The following CYRIB variants were observed in gnomAD, a reference collection of about 807,000 sequenced individuals.
CYRIB encodes CYFIP related Rac1 interactor B.
In CYRIB, 8 loss-of-function variants were observed where a neutral mutation model predicts 44.2. The ratio of observed to expected loss-of-function variants is 0.18; its 90% CI spans 0.11 to 0.33. The LOEUF (loss-of-function observed/expected upper bound fraction) is 0.33, where lower values mean the gene tolerates loss of function less well. Among genes scored for constraint, CYRIB ranks in the 10% least tolerant of loss-of-function variants. The pLI is 1.00. For synonymous variants in CYRIB, 131 were observed against 127.2 expected, an observed-to-expected ratio of 1.03 and a Z score of -0.20; for missense variants, 185 against 382.8, an observed-to-expected ratio of 0.48 and a Z score of 4.31.
At chr8:129,997,096 GGGAAGGAAGGAA>G (rs1176823467) in intron 1 of CYRIB, among the ~76,000 whole-genome samples, 4 of 93,086 alleles carry the variant, frequency 4.3e-5, no homozygotes, top group African/African-American at 8.2e-5. Flanking sequence ...GAAGGAGGGA[GGGAAGGAAGGAA>G]GGAAGGAAGG....
chr8:130,008,134 G>A (rs1479696944), intron 1 of CYRIB, among the ~76,000 whole-genome samples: 4 of 152,156 alleles, frequency 2.6e-5, no homozygotes, highest in Non-Finnish European at 5.9e-5. Context: ...GCTTGAACCC[G>A]GGAGGTGGAG....
chr8:129,937,952 C>T (rs983508574), intron 1 of CYRIB, among the ~76,000 whole-genome samples: 2 of 151,880 alleles, frequency 1.3e-5, no homozygotes, highest in African/African-American at 4.8e-5. Flanking sequence ...AAAACCTAAG[C>T]GGGGACAAAC....
intron 3 of CYRIB, among the ~76,000 whole-genome samples, chr8:129,874,605 T>C (rs75761609): frequency 5.9e-5 from 9 of 152,230 alleles, no homozygotes; most frequent in African/African-American, 1.9e-4. Flanking sequence ...GTAAACTCAG[T>C]ACCTAGATTT....
intron 2 of CYRIB, among the ~76,000 whole-genome samples, chr8:129,895,199 C>T (rs1359234435): frequency 1.3e-5 from 2 of 151,118 alleles, no homozygotes; most frequent in South Asian, 2.1e-4. Flanking sequence ...GACAGGATCT[C>T]ATCGTGTTGC....
At chr8:129,948,321 A>G (rs1030166787) in intron 2 of CYRIB, among the ~76,000 whole-genome samples, 9 of 152,098 alleles carry the variant, frequency 5.9e-5, no homozygotes, top group African/African-American at 2.2e-4. Flanking sequence ...GGTTTTTCCC[A>G]AGGGATAGGC....
At chr8:130,013,759 G>C (rs1284434585) in intron 1 of CYRIB, among the ~76,000 whole-genome samples, 2 of 152,186 alleles carry the variant, frequency 1.3e-5, no homozygotes, top group Non-Finnish European at 2.9e-5. Context: ...TCAGGGACCA[G>C]GATTCCACAT....
At chr8:129,847,192 G>A in intron 10 of CYRIB, 1 of 218,464 alleles carries the variant, frequency 4.6e-6, no homozygotes, top group East Asian at 1.5e-4. Flanking sequence ...GGCTGGGCAG[G>A]GTGGCTCAGG....
chr8:129,983,916 T>C (rs1275045507), intron 1 of CYRIB, among the ~76,000 whole-genome samples: 1 of 152,206 alleles, frequency 6.6e-6, no homozygotes, highest in Non-Finnish European at 1.5e-5. Flanking sequence ...TACATCCCAT[T>C]GGCAGGAACC....
intron 2 of CYRIB, among the ~76,000 whole-genome samples, chr8:129,897,501 A>G (rs1211420034): frequency 1.3e-5 from 2 of 151,558 alleles, no homozygotes; most frequent in African/African-American, 2.4e-5. Context: ...AGTATCTTAA[A>G]ACAACAGTCA....
Position 129,926,358 on chromosome 8 carries a change from T to C in CYRIB, c.-50+13250A>G, listed in dbSNP as rs937670432. Reference sequence around the variant, plus strand: ...ACCCAATTTAAACACATTACCTTTTTCAAGCATCAAATTTCCACTGAACTA... The same window carrying C: ...ACCCAATTTAAACACATTACCTTTTCCAAGCATCAAATTTCCACTGAACTA... On this transcript the variant is annotated intron_variant, in intron 1 of 11. Transcript: ENST00000519824. Among the ~76,000 whole-genome samples the C allele has an allele frequency of 7.9e-5, 12 of 152,352 alleles. No homozygotes were observed. The East Asian group carries it at 2.1e-3, about 27-fold the overall frequency.
At chr8:129,936,685 G>A (rs979967788) in intron 1 of CYRIB, among the ~76,000 whole-genome samples, 4 of 148,274 alleles carry the variant, frequency 2.7e-5, no homozygotes, top group Admixed American at 6.7e-5. Context: ...AAGCAAATTA[G>A]ATAACCCAAT....
At chr8:130,013,663 G>T (rs1376843999) in intron 1 of CYRIB, among the ~76,000 whole-genome samples, 2 of 152,160 alleles carry the variant, frequency 1.3e-5, no homozygotes, top group African/African-American at 4.8e-5. Context: ...GCACGGGTGA[G>T]GCCACAACCT....
intron 1 of CYRIB, among the ~76,000 whole-genome samples, chr8:129,978,144 C>T (rs908937233): frequency 6.6e-6 from 1 of 152,036 alleles, no homozygotes; most frequent in Non-Finnish European, 1.5e-5. Flanking sequence ...ATCTTGCACT[C>T]CTGGCCTTAA....
At position 129,892,225 on chromosome 8, in the gene CYRIB, A is replaced by T. The variant is rs1014786591; in HGVS notation, c.-11+11087T>A. ...TACAAAGGCTCAAGGCAAGTAATAC[A>T]GAAGTTTCTGGAATGGAATATGATG... On this transcript the variant is annotated intron_variant, in intron 2 of 11. Coordinates refer to ENST00000519824, the Ensembl canonical transcript of CYRIB. Among the ~76,000 whole-genome samples, 5 of 152,358 alleles carry T rather than the reference A, an allele frequency of 3.3e-5. No individual in the cohort carries two copies. The East Asian group carries it at 7.7e-4, about 23-fold the overall frequency.
At chr8:129,935,735 A>T (rs558050207) in intron 1 of CYRIB, among the ~76,000 whole-genome samples, 31 of 152,354 alleles carry the variant, frequency 2.0e-4, no homozygotes, top group Admixed American at 9.1e-4. Flanking sequence ...CAGGCTTCAC[A>T]GTGTCACATA....
chr8:129,924,694 T>C (rs989119083), intron 1 of CYRIB, among the ~76,000 whole-genome samples: 3 of 152,064 alleles, frequency 2.0e-5, no homozygotes, highest in Non-Finnish European at 2.9e-5. Flanking sequence ...CAGCTGGGCA[T>C]AGTGGCTCCC....
chr8:129,904,840 T>C (rs999228672), intron 1 of CYRIB, among the ~76,000 whole-genome samples: 1 of 152,216 alleles, frequency 6.6e-6, no homozygotes, highest in African/African-American at 2.4e-5. Context: ...CTACTTCATA[T>C]TGAAGAGACT....
chr8:129,938,779 G>A (rs980908462), intron 1 of CYRIB, among the ~76,000 whole-genome samples: 5 of 151,932 alleles, frequency 3.3e-5, no homozygotes, highest in African/African-American at 9.7e-5. Context: ...TACACTCAGA[G>A]GAAATTAATC....
intron 1 of CYRIB, among the ~76,000 whole-genome samples, chr8:129,915,699 A>G (rs930376864): frequency 1.3e-5 from 2 of 152,196 alleles, no homozygotes; most frequent in Non-Finnish European, 2.9e-5. Flanking sequence ...ACTTTTAAAA[A>G]TGGTCCATGG....
Sources: allele counts gnomAD v4.1 joint callset (sites outside exome capture counted in the v4.1 genomes callset), GRCh38; gene constraint gnomAD v4.1.1; transcripts MANE v1.5; gene names NCBI Gene and HGNC (gene_info 2026-07-23, HGNC 2026-07-21).